The following NPSR1 variants were observed in gnomAD, a reference collection of about 807,000 sequenced individuals.
NPSR1 encodes the protein neuropeptide S receptor 1.
Under a neutral mutation model 46.9 loss-of-function variants are expected in NPSR1, and 48 were observed. The observed-to-expected ratio is 1.02, with a 90% CI of 0.81 to 1.30. The LOEUF (loss-of-function observed/expected upper bound fraction) is 1.30. Among genes scored for constraint, NPSR1 ranks in the 50% most tolerant of loss-of-function variants. The pLI, the probability that NPSR1 is intolerant of heterozygous loss-of-function variation, is 0.00. For synonymous variants in NPSR1, 176 were observed against 168.1 expected (o/e 1.05, Z -0.36); for missense variants, 450 against 449.5 (o/e 1.00, Z -0.01).
chr7:34,784,355 C>T (rs1201391886), intron 3 of NPSR1, among the ~76,000 whole-genome samples: 3 of 152,008 alleles, frequency 2.0e-5, no homozygotes, highest in Non-Finnish European at 4.4e-5. Flanking sequence ...TGAGATACAT[C>T]CCATCAATAC....
Position 34,684,605 on chromosome 7 carries a change from C to T in NPSR1, c.201C>T (p.Asn67=), listed in dbSNP as rs765405338. The change falls in exon 2 of 9, where the codon AAC becomes AAT. Residue 67 remains asparagine (N), a synonymous_variant. Coordinates refer to ENST00000360581, the MANE Select transcript of NPSR1 (RefSeq NM_207172.2). ...WVLFVFTIVG[N]SVVLFSTWRR... Reference sequence around the variant, plus strand: ...TCTTTGTTTTTACCATTGTTGGAAACTCCGTTGTGCTTTTTTCCACATGGA... The same window carrying T: ...TCTTTGTTTTTACCATTGTTGGAAATTCCGTTGTGCTTTTTTCCACATGGA... The T allele has an allele frequency of 6.2e-7, 1 of 1,613,636 alleles. No individual in the cohort carries two copies. Among genetic ancestry groups the T allele is most frequent in the South Asian group, 1.1e-5 (1 of 91,052 alleles).
chr7:34,727,196 T>C (rs1784200369), intron 2 of NPSR1, among the ~76,000 whole-genome samples: 1 of 152,192 alleles, frequency 6.6e-6, no homozygotes, highest in Non-Finnish European at 1.5e-5. Flanking sequence ...AGGTGTTTTT[T>C]TTAATGATGC....
intron 2 of NPSR1, among the ~76,000 whole-genome samples, chr7:34,736,107 A>G (rs1784654412): frequency 1.3e-5 from 2 of 152,164 alleles, no homozygotes; most frequent in Admixed American, 6.5e-5. Flanking sequence ...TAGTTTTTAT[A>G]TTTTGAGTAA....
At chr7:34,818,046 T>C (rs968577430) in intron 4 of NPSR1, among the ~76,000 whole-genome samples, 1 of 151,764 alleles carries the variant, frequency 6.6e-6, no homozygotes, top group Non-Finnish European at 1.5e-5. Flanking sequence ...CTATTCAACA[T>C]AGTGTTGGAA....
chr7:34,765,541 A>T (rs946445368), intron 2 of NPSR1, among the ~76,000 whole-genome samples: 4 of 152,242 alleles, frequency 2.6e-5, no homozygotes, highest in African/African-American at 4.8e-5. Flanking sequence ...CTTAACTACC[A>T]TTTGAATTAG....
chr7:34,660,640 A>T (rs904675227), intron 1 of NPSR1, among the ~76,000 whole-genome samples: 1 of 152,202 alleles, frequency 6.6e-6, no homozygotes, highest in African/African-American at 2.4e-5. Flanking sequence ...CAACAACCAT[A>T]CGTCTCATTT....
chr7:34,678,548 C>T (rs1324988334), intron 1 of NPSR1, among the ~76,000 whole-genome samples: 3 of 152,044 alleles, frequency 2.0e-5, no homozygotes, highest in East Asian at 1.9e-4. Context: ...ACACAGTGGC[C>T]GGGCGCGGTG....
At chr7:34,830,580 C>T (rs1277665003) in intron 5 of NPSR1, among the ~76,000 whole-genome samples, 1 of 152,014 alleles carries the variant, frequency 6.6e-6, no homozygotes, top group East Asian at 1.9e-4. Context: ...ATACAATAAC[C>T]TTTTTCTTTT....
chr7:34,685,636 T>C (rs990780153), intron 2 of NPSR1: 13 of 383,384 alleles, frequency 3.4e-5, no homozygotes, highest in African/African-American at 2.5e-4. Context: ...TGGAGCTCTT[T>C]AGAATTTAGT....
intron 2 of NPSR1, among the ~76,000 whole-genome samples, chr7:34,768,904 G>A (rs964765441): frequency 6.6e-6 from 1 of 152,116 alleles, no homozygotes; most frequent in African/African-American, 2.4e-5. Flanking sequence ...AGAGGGAAGA[G>A]TCTACTATGT....
intron 6 of NPSR1, among the ~76,000 whole-genome samples, chr7:34,842,292 T>C (rs1790593779): frequency 6.6e-6 from 1 of 152,236 alleles, no homozygotes; most frequent in South Asian, 2.1e-4. Flanking sequence ...CATTCCAGTC[T>C]GATCTTAAAG....
intron 2 of NPSR1, among the ~76,000 whole-genome samples, chr7:34,743,935 A>G (rs2128720281): frequency 6.6e-6 from 1 of 152,140 alleles, no homozygotes; most frequent in South Asian, 2.1e-4. Flanking sequence ...TCTTCTATGT[A>G]CCCTTGAATA....
intron 6 of NPSR1, among the ~76,000 whole-genome samples, chr7:34,844,600 C>T (rs919060144): frequency 6.6e-6 from 1 of 152,204 alleles, no homozygotes; most frequent in Non-Finnish European, 1.5e-5. Context: ...TCAGCTCCTG[C>T]ATGGTCACAT....
At chr7:34,837,505 A>T (rs1486752374) in intron 6 of NPSR1, among the ~76,000 whole-genome samples, 1 of 152,154 alleles carries the variant, frequency 6.6e-6, no homozygotes, top group Non-Finnish European at 1.5e-5. Context: ...CATTTCACCC[A>T]TGGCCCATTG....
intron 2 of NPSR1, among the ~76,000 whole-genome samples, chr7:34,766,914 T>C (rs1786463681): frequency 2.0e-5 from 3 of 152,160 alleles, no homozygotes; most frequent in African/African-American, 4.8e-5. Context: ...GGTTGCATAT[T>C]TTGTAATTCC....
intron 2 of NPSR1, among the ~76,000 whole-genome samples, chr7:34,699,142 G>T (rs969430745): frequency 1.3e-5 from 2 of 152,108 alleles, no homozygotes; most frequent in Admixed American, 6.6e-5. Context: ...ATTAAAAGAG[G>T]CTGCTGGCTC....
chr7:34,781,613 G>A (rs1257916035), intron 3 of NPSR1, among the ~76,000 whole-genome samples: 1 of 152,142 alleles, frequency 6.6e-6, no homozygotes, highest in Non-Finnish European at 1.5e-5. Flanking sequence ...AGTCATTCCT[G>A]CAAGAGAACC....
intron 2 of NPSR1, among the ~76,000 whole-genome samples, chr7:34,696,324 G>A (rs945125186): frequency 1.4e-4 from 22 of 152,076 alleles, no homozygotes; most frequent in African/African-American, 5.1e-4. Context: ...AGAAAGGTGG[G>A]AGGTGAATAA....
chr7:34,792,897 A>AAACG (rs1210061376), intron 3 of NPSR1, among the ~76,000 whole-genome samples: 2 of 149,482 alleles, frequency 1.3e-5, no homozygotes, highest in Non-Finnish European at 3.0e-5. Flanking sequence ...ACAAACAAAC[A>AAACG]AAAACATAGG....
Sources: allele counts gnomAD v4.1 joint callset (sites outside exome capture counted in the v4.1 genomes callset), GRCh38; gene constraint gnomAD v4.1.1; transcripts MANE v1.5; gene names NCBI Gene and HGNC (gene_info 2026-07-23, HGNC 2026-07-21).